The following DOK1 variants were observed in gnomAD, a reference collection of about 807,000 sequenced individuals.
DOK1 encodes the protein Downstream of tyrosine kinase 1.
In DOK1, 12 loss-of-function variants were observed where a neutral mutation model predicts 24.0. The observed-to-expected ratio is 0.50, with a 90% confidence interval of 0.32 to 0.81. The LOEUF (loss-of-function observed/expected upper bound fraction) is 0.81. Ranked by LOEUF, DOK1 falls within the 30% of genes least tolerant of loss-of-function variation. The pLI is 0.03. For synonymous variants in DOK1, 250 were observed against 260.9 expected (o/e 0.96, Z 0.40); for missense variants, 591 against 620.7 (o/e 0.95, Z 0.51).
At chr2:74,552,504 A>T, upstream of DOK1, 1 of 1,613,666 alleles carries the variant, frequency 6.2e-7, no homozygotes. Context: ...AGCCAGCCGG[A>T]ACCGAAGCCC....
rs771241130 is a variant in DOK1 at position 74,554,732 on chromosome 2, C to A, written c.-23C>A. On this transcript the variant is annotated 5_prime_UTR_variant, in exon 1 of 5. Transcript: ENST00000233668. This position sits in a 1 kb window ranked among gnomAD's most constrained non-coding sequence, Gnocchi z 4.9. ...CGCCTCCCGCCGCAGGGCCAGGAAG[C>A]GCGGAAGGAACCGCCGGGGGCCATG... 12 of 1,611,658 alleles carry A rather than the reference C, an allele frequency of 7.4e-6. No homozygotes were observed. In the Admixed American group the frequency reaches 1.0e-4, roughly 13 times the overall value.
At chr2:74,552,552 G>T, upstream of DOK1, 1 of 1,612,086 alleles carries the variant, frequency 6.2e-7, no homozygotes, top group Non-Finnish European at 8.5e-7. Flanking sequence ...CGTGGAAGGG[G>T]ACGGAGACCC....
chr2:74,552,606 C>G, upstream of DOK1: 1 of 1,583,586 alleles, frequency 6.3e-7, no homozygotes, highest in South Asian at 1.1e-5. Context: ...CCCCCAGGGG[C>G]TCCACTGCCA....
In DOK1 at chr2:74,556,915, G is replaced by C; in HGVS notation, c.1247G>C (p.Ser416Thr). ...TDDYAVPPPR[S>T]TKPLLAPKPQ... Reference sequence around the variant, plus strand: ...GACTACGCTGTGCCACCCCCTCGGAGCACAAAGCCCCTCCTTGCTCCCAAG... The same window carrying C: ...GACTACGCTGTGCCACCCCCTCGGACCACAAAGCCCCTCCTTGCTCCCAAG... Residue 416 changes from serine (S) to threonine (T), a missense_variant, in exon 5 of 5, where the codon AGC becomes ACC. Transcript: ENST00000233668. The surrounding 1 kb of genome is among the most constrained non-coding windows in gnomAD (Gnocchi z 4.1). 3 of 1,614,136 alleles carry C rather than the reference G, an allele frequency of 1.9e-6. No homozygotes were observed. The highest frequency in any genetic ancestry group is 2.5e-6 in the Non-Finnish European group (3 of 1,180,018).
upstream of DOK1, chr2:74,554,468 C>T (rs1418909375): frequency 2.0e-6 from 1 of 510,082 alleles, no homozygotes; most frequent in Admixed American, 3.5e-5. This position sits in a 1 kb window ranked among gnomAD's most constrained non-coding sequence, Gnocchi z 4.9. Context: ...CACGCGCAGC[C>T]ACCACGCCCA....
rs772311270 is a variant in DOK1 at position 74,556,660 on chromosome 2, A to G, written c.992A>G (p.Gln331Arg). ...STSAQAGEGV[Q>R]RKKPLYWDLY... ...TCTGCTCAGGCAGGAGAGGGAGTAC[A>G]ACGGAAGAAACCTCTCTATTGGGAC... The change falls in exon 5 of 5, where the codon CAA becomes CGA. Residue 331 changes from glutamine (Q) to arginine (R), a missense_variant. Gln to Arg is a conservative substitution (Grantham distance 43). Transcript: ENST00000233668. The surrounding 1 kb of genome is among the most constrained non-coding windows in gnomAD (Gnocchi z 4.1). 2.5e-6 allele frequency: 4 copies of G among 1,614,230 alleles called. No individual in the cohort carries two copies. Among genetic ancestry groups the G allele is most frequent in the Non-Finnish European group, 3.4e-6 (4 of 1,180,042 alleles).
Position 74,556,773 on chromosome 2 carries a change from G to A in DOK1, c.1105G>A (p.Ala369Thr). The A allele has an allele frequency of 6.2e-7, 1 of 1,614,192 alleles. No homozygotes were observed. Among genetic ancestry groups the A allele is most frequent in the East Asian group, 2.2e-5 (1 of 44,876 alleles). The change falls in exon 5 of 5, where the codon GCC (alanine) becomes ACC (threonine). Residue 369 changes from alanine (A) to threonine (T), a missense_variant. By Grantham distance (58) the Ala-to-Thr change is moderately conservative. Coordinates refer to ENST00000233668, the MANE Select transcript of DOK1 (RefSeq NM_001381.5). The surrounding 1 kb of genome is among the most constrained non-coding windows in gnomAD (Gnocchi z 4.1). ...CATCTATGATGAACCTGAGGGCCTG[G>A]CCCCAGTCCCTCCCCAGGGCCTTTA... The part of the protein sequence containing the change: ...DPIYDEPEGL[A>T]PVPPQGLYDL...
chr2:74,551,641 C>T (rs1677020354), upstream of DOK1, among the ~76,000 whole-genome samples: 1 of 152,256 alleles, frequency 6.6e-6, no homozygotes, highest in African/African-American at 2.4e-5. Flanking sequence ...TTTCCATTTT[C>T]TACTGTCCCT....
chr2:74,551,028 G>T (rs951688062), upstream of DOK1, among the ~76,000 whole-genome samples: 7 of 152,064 alleles, frequency 4.6e-5, no homozygotes, highest in African/African-American at 1.4e-4. Flanking sequence ...TGTCTCCCAG[G>T]TTCAAGCAAT....
chr2:74,552,894 CG>C, upstream of DOK1: 1 of 445,400 alleles, frequency 2.2e-6, no homozygotes, highest in Non-Finnish European at 4.0e-6. Flanking sequence ...TATGAGAGAT[CG>C]AGAGTCAGAG....
At chr2:74,549,727 T>C (rs1272418320), upstream of DOK1, 2 of 1,443,534 alleles carry the variant, frequency 1.4e-6, no homozygotes, top group Non-Finnish European at 1.8e-6. The surrounding 1 kb of genome is among the most constrained non-coding windows in gnomAD (Gnocchi z 5.3). Context: ...GCGGCCACGA[T>C]GGCCGCAGTC....
chr2:74,550,364 T>G, upstream of DOK1: 1 of 1,610,480 alleles, frequency 6.2e-7, no homozygotes, highest in Non-Finnish European at 8.5e-7. Flanking sequence ...GAAGGGGAGA[T>G]GAAGGGACAG....
Position 74,554,724 on chromosome 2 carries a change from C to A in DOK1, c.-31C>A. On this transcript the variant is annotated 5_prime_UTR_variant, in exon 1 of 5. Coordinates refer to ENST00000233668, the MANE Select transcript of DOK1 (RefSeq NM_001381.5). The surrounding 1 kb of genome is among the most constrained non-coding windows in gnomAD (Gnocchi z 4.9). ...TCCCGCCCCGCCTCCCGCCGCAGGGCCAGGAAGCGCGGAAGGAACCGCCGG... is the reference window on the plus strand; with the variant it reads ...TCCCGCCCCGCCTCCCGCCGCAGGGACAGGAAGCGCGGAAGGAACCGCCGG... The A allele has an allele frequency of 6.2e-7, 1 of 1,609,978 alleles. No individual in the cohort carries two copies. The highest frequency in any genetic ancestry group is 8.5e-7 in the Non-Finnish European group (1 of 1,177,984).
upstream of DOK1, among the ~76,000 whole-genome samples, chr2:74,551,158 T>A (rs1676984464): frequency 1.3e-5 from 2 of 152,214 alleles, no homozygotes; most frequent in Admixed American, 1.3e-4. Flanking sequence ...GGTCTCGAAC[T>A]CCTGACCTCA....
rs1289772949 is a variant in DOK1, at chr2:74,555,827, G to T, written c.455-67G>T. 1 of 1,580,380 alleles carries T rather than the reference G, an allele frequency of 6.3e-7. No individual in the cohort carries two copies. The highest frequency in any genetic ancestry group is 8.6e-7 in the Non-Finnish European group (1 of 1,162,850). ...GAGTGCTTGGACACTATGCTCATGA[G>T]TCCTCTGGGTCCCCACTGCTGCCCC... On this transcript the variant is annotated intron_variant, in intron 3 of 4. Transcript: ENST00000233668. The surrounding 1 kb of genome is among the most constrained non-coding windows in gnomAD (Gnocchi z 6.1).
chr2:74,549,992 C>T, upstream of DOK1: 1 of 985,408 alleles, frequency 1.0e-6, no homozygotes, highest in Non-Finnish European at 1.2e-6. This position sits in a 1 kb window ranked among gnomAD's most constrained non-coding sequence, Gnocchi z 5.3. Flanking sequence ...CCAGGTTTAG[C>T]CCCTTGAATG....
In DOK1 at chr2:74,554,866, G is replaced by C. The variant is rs1192503071; in HGVS notation, c.60+52G>C. 6.2e-7 allele frequency: 1 copy of C among 1,607,848 alleles called. No individual in the cohort carries two copies. The highest frequency in any genetic ancestry group is 1.3e-5 in the African/African-American group (1 of 74,802). On this transcript the variant is annotated intron_variant, in intron 1 of 4. Transcript: ENST00000233668. This position sits in a 1 kb window ranked among gnomAD's most constrained non-coding sequence, Gnocchi z 4.9. ...TTATCCGGGCTAGTAGTGGGTGAGA[G>C]AGCCCAGAAACAGGGAGAGGTGGGC... is the stretch of plus-strand genomic sequence containing the variant.
upstream of DOK1, chr2:74,550,253 C>A: frequency 6.2e-7 from 1 of 1,614,198 alleles, no homozygotes; most frequent in Non-Finnish European, 8.5e-7. Context: ...GCATCCTCAT[C>A]GTGCGTACAG....
upstream of DOK1, among the ~76,000 whole-genome samples, chr2:74,550,967 C>G (rs1457195584): frequency 6.6e-6 from 1 of 151,526 alleles, no homozygotes; most frequent in Non-Finnish European, 1.5e-5. Flanking sequence ...AAGTCTTGCC[C>G]TGTTGCCTAG....
Sources: allele counts gnomAD v4.1 joint callset (sites outside exome capture counted in the v4.1 genomes callset), GRCh38; gene constraint gnomAD v4.1.1; non-coding constraint Gnocchi (gnomAD v3.1); transcripts MANE v1.5; gene names NCBI Gene and HGNC (gene_info 2026-07-23, HGNC 2026-07-21).